BSN: variants seen among roughly 807,000 people sequenced by gnomAD.
BSN encodes protein bassoon.
BSN carries 57 observed loss-of-function variants against 264.8 expected under a neutral mutation model. The ratio of observed to expected loss-of-function variants is 0.22; its 90% confidence interval spans 0.17 to 0.27. The LOEUF (loss-of-function observed/expected upper bound fraction) is 0.27, where lower values mean the gene tolerates loss of function less well. BSN is among the 10% of genes least tolerant of loss of function. The probability of loss-of-function intolerance (pLI) is 1.00; values close to 1 mark genes in which losing one functional copy is unlikely to be tolerated. For missense variants in BSN, 4,615 were observed against 5,232.5 expected (o/e 0.88, Z 3.64); for synonymous variants, 2,059 against 2,137.3 (o/e 0.96, Z 1.01).
intron 1 of BSN, among the ~76,000 whole-genome samples, chr3:49,579,493 C>T (rs553422566): frequency 2.9e-4 from 44 of 151,976 alleles, no homozygotes; most frequent in African/African-American, 9.9e-4. Flanking sequence ...GCCTCCGACT[C>T]CAGGGTTCAA....
chr3:49,651,723 G>C lies in BSN; in HGVS notation c.2167G>C (p.Glu723Gln), dbSNP rs143643302. ...AGGGCCACATCCACCCAGCCCCTCC[G>C]AGATCCACAAGGTGGGGAGCAGCAT... is the stretch of plus-strand genomic sequence containing the variant. ...VTGPHPPSPS[E>Q]IHKVGSSMRP... Residue 723 changes from glutamate (E) to glutamine (Q), a missense_variant, in exon 5 of 12, where the codon GAG (glutamate) becomes CAG (glutamine). Coordinates refer to ENST00000296452, the MANE Select transcript of BSN (RefSeq NM_003458.4). The surrounding 1 kb of genome is among the most constrained non-coding windows in gnomAD (Gnocchi z 5.4). 2 of 1,613,796 alleles carry C rather than the reference G, an allele frequency of 1.2e-6. No homozygotes were observed. The highest frequency in any genetic ancestry group is 1.7e-6 in the Non-Finnish European group (2 of 1,179,914).
rs191003333 is a variant in BSN, at chr3:49,614,937, T to G, written c.225-10038T>G. ...GTTTACTTTTGTGGCATTTGTGGCC[T>G]GGATTCCCCTTGCTTTCAGACTCCT... On this transcript the variant is annotated intron_variant, in intron 1 of 11. Transcript: ENST00000296452. Among the ~76,000 whole-genome samples, 15 of 152,336 alleles carry G rather than the reference T, an allele frequency of 9.8e-5. No homozygotes were observed. The East Asian group carries it at 1.5e-3, about 16-fold the overall frequency.
At chr3:49,596,583 G>A (rs1045392804) in intron 1 of BSN, among the ~76,000 whole-genome samples, 7 of 152,072 alleles carry the variant, frequency 4.6e-5, no homozygotes, top group Admixed American at 3.3e-4. Flanking sequence ...TTGAACTTTT[G>A]GCCTCAAGCA....
intron 5 of BSN, among the ~76,000 whole-genome samples, chr3:49,659,553 A>G (rs1437885016): frequency 6.6e-6 from 1 of 152,152 alleles, no homozygotes; most frequent in Non-Finnish European, 1.5e-5. Context: ...CCCAGTATAT[A>G]TTGGAATTTG....
At chr3:49,574,455 G>C (rs2051825107) in intron 1 of BSN, among the ~76,000 whole-genome samples, 1 of 151,866 alleles carries the variant, frequency 6.6e-6, no homozygotes, top group Admixed American at 6.6e-5. Context: ...CTTTTTTCAG[G>C]TGACCATGAC....
In BSN at chr3:49,625,404, TC is replaced by T; in HGVS notation, c.633+25del. On this transcript the variant is annotated intron_variant, in intron 2 of 11. Transcript: ENST00000296452. The surrounding 1 kb of genome is among the most constrained non-coding windows in gnomAD (Gnocchi z 4.4). Reference sequence around the variant, plus strand: ...CCCAGGTAACCACTTCTGCGCCGGCTCCCCACTCACCTGCTACCTCATTACC... The same window carrying T: ...CCCAGGTAACCACTTCTGCGCCGGCTCCCACTCACCTGCTACCTCATTACC... 2 of 1,447,856 alleles carry T rather than the reference TC, an allele frequency of 1.4e-6. No homozygotes were observed. The highest frequency in any genetic ancestry group is 9.1e-7 in the Non-Finnish European group (1 of 1,101,634). The allele number at this position is 1,447,856 out of a possible 1,614,324, so 89.7% of individuals were successfully genotyped here.
rs374298514 is a variant in BSN, at chr3:49,651,809, C to T, written c.2253C>T (p.Ser751=). 45 of 1,613,668 alleles carry T rather than the reference C, an allele frequency of 2.8e-5. No homozygotes were observed. The highest frequency in any genetic ancestry group is 1.7e-4 in the Middle Eastern group (1 of 6,038). ...APSERSKPLS[S]GTGEEQKQRP... is the part of the protein sequence containing the mutation. ...GTGAGCGGAGCAAGCCACTCTCCAG[C>T]GGTACTGGCGAGGAGCAGAAGCAGC... is the stretch of plus-strand genomic sequence containing the variant. Residue 751 remains serine, a synonymous_variant, in exon 5 of 12, where the codon AGC becomes AGT. Transcript: ENST00000296452. The surrounding 1 kb of genome is among the most constrained non-coding windows in gnomAD (Gnocchi z 5.4).
downstream of BSN, chr3:49,671,578 T>A (rs2052762513): frequency 6.6e-6 from 1 of 152,572 alleles, no homozygotes; most frequent in Admixed American, 6.5e-5. The surrounding 1 kb of genome is among the most constrained non-coding windows in gnomAD (Gnocchi z 4.1). Context: ...GTTTCTCAAG[T>A]GGGAAGGCTT....
intron 1 of BSN, among the ~76,000 whole-genome samples, chr3:49,590,002 T>C (rs1454572283): frequency 1.3e-5 from 2 of 152,040 alleles, no homozygotes; most frequent in Non-Finnish European, 2.9e-5. Context: ...CACGCCCAGC[T>C]AATTTTTGTA....
At chr3:49,618,869 T>G (rs1417267665) in intron 1 of BSN, among the ~76,000 whole-genome samples, 5 of 152,260 alleles carry the variant, frequency 3.3e-5, no homozygotes, top group Non-Finnish European at 5.9e-5. Context: ...CCAGAGGCTC[T>G]TGGAGGACTG....
In BSN at chr3:49,650,870, C is replaced by G. The variant is rs1383267175; in HGVS notation, c.1777C>G (p.Leu593Val). ...CAAGGCCAGCCCCCAGGCCAAGCCC[C>G]TCAGGGCTTCTGAACCCAGCAAGAC... ...PSKASPQAKP[L>V]RASEPSKTPS... The change falls in exon 4 of 12, where the codon CTC (leucine) becomes GTC (valine). Residue 593 changes from leucine (L) to valine (V), a missense_variant. By Grantham distance (32) the Leu-to-Val change is conservative. Transcript: ENST00000296452. 1.9e-6 allele frequency: 3 copies of G among 1,614,240 alleles called. No homozygotes were observed. Among genetic ancestry groups the G allele is most frequent in the African/African-American group, 2.7e-5 (2 of 75,068 alleles).
chr3:49,577,204 A>G (rs1350951809), intron 1 of BSN, among the ~76,000 whole-genome samples: 5 of 152,088 alleles, frequency 3.3e-5, no homozygotes, highest in East Asian at 1.9e-4. Context: ...TTGTTTCCCT[A>G]TGGCTTGTGA....
chr3:49,600,544 G>A lies in BSN; in HGVS notation c.225-24431G>A, dbSNP rs139137214. On this transcript the variant is annotated intron_variant, in intron 1 of 11. Coordinates refer to ENST00000296452, the MANE Select transcript of BSN (RefSeq NM_003458.4). ...AACACTTTGGGAGACTGAGGTGGAA[G>A]GATCTTCTGCTCAAGCCAAACTCCA... Among the ~76,000 whole-genome samples, 3 of 152,242 alleles carry A rather than the reference G, an allele frequency of 2.0e-5. No individual in the cohort carries two copies. In the East Asian group the frequency reaches 5.8e-4, roughly 29 times the overall value.
chr3:49,587,887 T>TTTTTCTTTCC (rs2051947795), intron 1 of BSN, among the ~76,000 whole-genome samples: 1 of 121,598 alleles, frequency 8.2e-6, no homozygotes, highest in Non-Finnish European at 1.7e-5. Flanking sequence ...AAAGTTGGGG[T>TTTTTCTTTCC]TTTTCTTTTC....
At chr3:49,606,465 C>A (rs141739972) in intron 1 of BSN, among the ~76,000 whole-genome samples, 1 of 150,028 alleles carries the variant, frequency 6.7e-6, no homozygotes, top group Non-Finnish European at 1.5e-5. Context: ...ATTGGACTTA[C>A]CTATTTGTCT....
rs992708270 is a variant in BSN at position 49,669,842 on chromosome 3, C to T, written c.*2357C>T. On this transcript the variant is annotated 3_prime_UTR_variant, in exon 12 of 12. Coordinates refer to ENST00000296452, the MANE Select transcript of BSN (RefSeq NM_003458.4). ...CAGGACCTATGCTCCCTGCTCACCCCCTTCTCCAAAGCCCAAGCGTCCCGC... is the reference window on the plus strand; with the variant it reads ...CAGGACCTATGCTCCCTGCTCACCCTCTTCTCCAAAGCCCAAGCGTCCCGC... 3 of 152,628 alleles carry T rather than the reference C, an allele frequency of 2.0e-5. No individual in the cohort carries two copies. The highest frequency in any genetic ancestry group is 4.4e-5 in the Non-Finnish European group (3 of 68,068). The allele number at this position is 152,628 out of a possible 1,614,324, so 9.5% of individuals were successfully genotyped here. A position where few individuals can be genotyped will look rare whatever the true frequency, so the allele number is the denominator to read the frequency against.
In BSN at chr3:49,656,410, C is replaced by G; in HGVS notation, c.6854C>G (p.Pro2285Arg). Reference sequence around the variant, plus strand: ...GAAGGGCCTGTCTATCTGGGGAAACCTGCTGCTGCCAAGGCCCCTGGGGCT... The same window carrying G: ...GAAGGGCCTGTCTATCTGGGGAAACGTGCTGCTGCCAAGGCCCCTGGGGCT... ...PAEGPVYLGK[P>R]AAAKAPGAGG... The change falls in exon 5 of 12, where the codon CCT (proline) becomes CGT (arginine). Residue 2285 changes from proline (P) to arginine (R), a missense_variant. Physicochemically the swap from Pro to Arg is moderately radical, Grantham distance 103 (BLOSUM62 -2). Coordinates refer to ENST00000296452, the MANE Select transcript of BSN (RefSeq NM_003458.4). The G allele has an allele frequency of 1.3e-6, 2 of 1,590,186 alleles. No homozygotes were observed. Among genetic ancestry groups the G allele is most frequent in the Non-Finnish European group, 1.7e-6 (2 of 1,167,640 alleles).
chr3:49,601,895 C>T (rs981079194), intron 1 of BSN, among the ~76,000 whole-genome samples: 6 of 152,172 alleles, frequency 3.9e-5, no homozygotes, highest in African/African-American at 1.4e-4. Context: ...GTTGCTTTTG[C>T]GTGGTCCCCA....
In BSN at chr3:49,664,547, G is replaced by A; in HGVS notation, c.11733G>A (p.Leu3911=). The change falls in exon 9 of 12, where the codon CTG becomes CTA. Residue 3911 remains leucine, a synonymous_variant. Coordinates refer to ENST00000296452, the MANE Select transcript of BSN (RefSeq NM_003458.4). The part of the protein sequence containing the change: ...PGGAAEQAGK[L]TEAVSAFGKK... ...GGGCAGCCGAGCAAGCTGGCAAACTGACGGAAGGTATGCACTGCCTGCAAC... is the reference window on the plus strand; with the variant it reads ...GGGCAGCCGAGCAAGCTGGCAAACTAACGGAAGGTATGCACTGCCTGCAAC... The A allele has an allele frequency of 1.2e-6, 2 of 1,604,506 alleles. No individual in the cohort carries two copies. The highest frequency in any genetic ancestry group is 1.7e-6 in the Non-Finnish European group (2 of 1,175,842).
Sources: gnomAD v4.1 joint callset for allele counts (sites outside exome capture counted in the v4.1 genomes callset) on GRCh38, gnomAD v4.1.1 for gene constraint, Gnocchi (gnomAD v3.1) non-coding constraint, MANE v1.5 for transcripts, NCBI Gene and HGNC (gene_info 2026-07-23, HGNC 2026-07-21) for gene names.